Variants in HDLBP observed in about 807,000 individuals in gnomAD.
HDLBP encodes high density lipoprotein binding protein, also known as vigilin.
Under a neutral mutation model 137.3 loss-of-function variants are expected in HDLBP, and 30 were observed. That is an observed-to-expected ratio of 0.22 (90% CI 0.16 to 0.30). HDLBP has a LOEUF of 0.30. HDLBP is among the 10% of genes least tolerant of loss of function. HDLBP has a pLI of 1.00. For synonymous variants in HDLBP, 606 were observed against 596.0 expected (o/e 1.02, Z -0.24); for missense variants, 1,119 against 1,667.3 (o/e 0.67, Z 5.73).
At chr2:241,273,658 C>T (rs764685032) in intron 1 of HDLBP, 2 of 985,328 alleles carry the variant, frequency 2.0e-6, no homozygotes, top group Non-Finnish European at 2.4e-6. Context: ...CAACAGAATC[C>T]TGCATAGGGC....
chr2:241,249,400 C>T (rs546109608), intron 12 of HDLBP: 7 of 473,566 alleles, frequency 1.5e-5, no homozygotes, highest in Admixed American at 4.7e-5. Flanking sequence ...ATGTATGAAA[C>T]GTCGGGGAGC....
intron 1 of HDLBP, among the ~76,000 whole-genome samples, chr2:241,276,986 TAA>T (rs757786857): frequency 4.0e-4 from 52 of 129,718 alleles, no homozygotes; most frequent in Admixed American, 4.6e-4. Context: ...GGCCAGGAGC[TAA>T]AAAAAAAAAA....
Position 241,239,548 on chromosome 2 carries a change from C to T in HDLBP, c.2610+54G>A, listed in dbSNP as rs1415459289. The T allele has an allele frequency of 6.2e-6, 9 of 1,449,784 alleles. No homozygotes were observed. Among genetic ancestry groups the T allele is most frequent in the Middle Eastern group, 1.7e-4 (1 of 5,754 alleles). 89.8% of individuals were successfully genotyped at this position (1,449,784 alleles called of 1,614,324 possible). ...TGGAGCGAACACTCATACACGGCTTCGGTGAGTGGCCACTGGGGGGTGAGA... is the reference window on the plus strand; with the variant it reads ...TGGAGCGAACACTCATACACGGCTTTGGTGAGTGGCCACTGGGGGGTGAGA... On this transcript the variant is annotated intron_variant, in intron 19 of 27. Coordinates refer to ENST00000310931, the MANE Select transcript of HDLBP (RefSeq NM_005336.6). This position sits in a 1 kb window ranked among gnomAD's most constrained non-coding sequence, Gnocchi z 4.6.
intron 1 of HDLBP, among the ~76,000 whole-genome samples, chr2:241,300,856 A>G (rs2075369936): frequency 6.6e-6 from 1 of 152,212 alleles, no homozygotes; most frequent in Non-Finnish European, 1.5e-5. Flanking sequence ...CTGGCCAGGC[A>G]GCTCCAAGCA....
At chr2:241,297,781 G>A (rs1398614990) in intron 1 of HDLBP, among the ~76,000 whole-genome samples, 3 of 152,130 alleles carry the variant, frequency 2.0e-5, no homozygotes, top group Non-Finnish European at 4.4e-5. Flanking sequence ...GGACATATCA[G>A]AAGGACACAG....
chr2:241,267,340 T>C (rs113281807), intron 2 of HDLBP, among the ~76,000 whole-genome samples: 1 of 152,296 alleles, frequency 6.6e-6, no homozygotes, highest in African/African-American at 2.4e-5. Flanking sequence ...AACAGCTGGT[T>C]AACTGTCCCC....
At chr2:241,267,792 C>T (rs1223712597) in intron 2 of HDLBP, 2 of 1,489,526 alleles carry the variant, frequency 1.3e-6, no homozygotes, top group East Asian at 5.0e-5. Flanking sequence ...TTGATCCACA[C>T]TGACTGGTTA....
Position 241,272,071 on chromosome 2 carries a change from A to C in HDLBP, c.-102-3530T>G. 3 of 479,546 alleles carry C rather than the reference A, an allele frequency of 6.3e-6. No individual in the cohort carries two copies. Among genetic ancestry groups the C allele is most frequent in the Non-Finnish European group, 8.2e-6 (3 of 367,490 alleles). 29.7% of individuals were successfully genotyped at this position (479,546 alleles called of 1,614,324 possible). A position where few individuals can be genotyped will look rare whatever the true frequency, so the allele number is the denominator to read the frequency against. On this transcript the variant is annotated intron_variant, in intron 1 of 27. Coordinates refer to ENST00000310931, the MANE Select transcript of HDLBP (RefSeq NM_005336.6). The surrounding 1 kb of genome is among the most constrained non-coding windows in gnomAD (Gnocchi z 5.6). ...TCCCCGCCTTTCATCCAAATTCGGT[A>C]CTTTTCCGTAATGTATTTTTCATCC...
chr2:241,301,541 G>A (rs2075396211), intron 1 of HDLBP, among the ~76,000 whole-genome samples: 1 of 151,996 alleles, frequency 6.6e-6, no homozygotes, highest in African/African-American at 2.4e-5. Flanking sequence ...CAAATACTGG[G>A]GTGAATACTA....
rs76620002 is a variant in HDLBP at position 241,239,445 on chromosome 2, G to A, written c.2610+157C>T. 2.0e-5 allele frequency among the ~76,000 whole-genome samples: 3 copies of A among 152,162 alleles called. No homozygotes were observed. Among genetic ancestry groups the A allele is most frequent in the Non-Finnish European group, 4.4e-5 (3 of 68,002 alleles). ...TATCAGGAAGGAGGCCAGACAGGCT[G>A]AGGAAAGAAGAGCGAGCACCAGAAA... On this transcript the variant is annotated intron_variant, in intron 19 of 27. Transcript: ENST00000310931. This position sits in a 1 kb window ranked among gnomAD's most constrained non-coding sequence, Gnocchi z 4.6.
chr2:241,273,913 C>T (rs1339864689), intron 1 of HDLBP, among the ~76,000 whole-genome samples: 1 of 150,680 alleles, frequency 6.6e-6, no homozygotes, highest in Non-Finnish European at 1.5e-5. Context: ...GCAGGGGAGG[C>T]CTACTATAGT....
At chr2:241,259,590 A>G (rs536763783) in intron 5 of HDLBP, among the ~76,000 whole-genome samples, 2 of 152,260 alleles carry the variant, frequency 1.3e-5, no homozygotes, top group Admixed American at 1.3e-4. Context: ...CCAGGCTCAA[A>G]CAATCCTTTC....
chr2:241,247,065 G>A lies in HDLBP; in HGVS notation c.1809C>T (p.Asn603=). 1 of 1,610,990 alleles carries A rather than the reference G, an allele frequency of 6.2e-7. No individual in the cohort carries two copies. The highest frequency in any genetic ancestry group is 8.5e-7 in the Non-Finnish European group (1 of 1,177,114). ...HKNIIGKGGA[N]IKKIREESNT... ...GCGGACAAGTTATCACCTTTTTAAT[G>A]TTTGCGCCTCCTTTCCCAATGATAT... The change falls in exon 15 of 28, where the codon AAC becomes AAT. Residue 603 remains asparagine, a synonymous_variant. Coordinates refer to ENST00000310931, the MANE Select transcript of HDLBP (RefSeq NM_005336.6).
intron 7 of HDLBP, 147 bp from the exon 8 acceptor site, chr2:241,255,727 GC>G: frequency 1.5e-6 from 1 of 653,674 alleles, no homozygotes; most frequent in South Asian, 1.8e-5. Flanking sequence ...ATCAGGACTA[GC>G]CAATCCCCAG....
chr2:241,298,803 A>G (rs2075284098), intron 1 of HDLBP, among the ~76,000 whole-genome samples: 1 of 152,210 alleles, frequency 6.6e-6, no homozygotes. Context: ...AGATCTAATC[A>G]AAAGGAAACA....
rs1431769496 is a variant in HDLBP, at chr2:241,272,641, C to T, written c.-102-4100G>A. 5.5e-5 allele frequency: 53 copies of T among 959,946 alleles called. No individual in the cohort carries two copies. The East Asian group carries it at 5.7e-3, about 104-fold the overall frequency. The allele number at this position is 959,946 out of a possible 1,614,324, so 59.5% of individuals were successfully genotyped here. On this transcript the variant is annotated intron_variant, in intron 1 of 27. Transcript: ENST00000310931. The surrounding 1 kb of genome is among the most constrained non-coding windows in gnomAD (Gnocchi z 5.6). Reference sequence around the variant, plus strand: ...GGGCCCGGGTGGGGGCCGCGGCACCCGGGCCCCTCCCCCTCCGCGGCCTCC... The same window carrying T: ...GGGCCCGGGTGGGGGCCGCGGCACCTGGGCCCCTCCCCCTCCGCGGCCTCC...
At chr2:241,276,986 T>TAAA (rs757786857) in intron 1 of HDLBP, among the ~76,000 whole-genome samples, 3 of 129,870 alleles carry the variant, frequency 2.3e-5, no homozygotes, top group African/African-American at 8.5e-5. Flanking sequence ...GGCCAGGAGC[T>TAAA]AAAAAAAAAA....
chr2:241,312,032 T>C (rs1328959778), intron 1 of HDLBP, among the ~76,000 whole-genome samples: 1 of 152,194 alleles, frequency 6.6e-6, no homozygotes, highest in Admixed American at 6.5e-5. Context: ...AAGGCTGAAG[T>C]AGATACTCTG....
rs1227598057 is a variant in HDLBP, at chr2:241,229,875, A to G, written c.3678T>C (p.Phe1226=). 3 of 1,542,982 alleles carry G rather than the reference A, an allele frequency of 1.9e-6. No individual in the cohort carries two copies. Among genetic ancestry groups the G allele is most frequent in the Non-Finnish European group, 2.6e-6 (3 of 1,139,550 alleles). The change falls in exon 27 of 28, where the codon TTT becomes TTC. Residue 1226 remains phenylalanine (F), a synonymous_variant. Coordinates refer to ENST00000310931, the MANE Select transcript of HDLBP (RefSeq NM_005336.6). ...HEEAKAPSRG[F]VVRDAPWTAS... ...CGGTCCAGGGTGCGTCCCGCACCAC[A>G]AAGCCTCTGGAAGGTGCCTTGGCCT...
Sources: allele counts gnomAD v4.1 joint callset (sites outside exome capture counted in the v4.1 genomes callset), GRCh38; gene constraint gnomAD v4.1.1; non-coding constraint Gnocchi (gnomAD v3.1); transcripts MANE v1.5; gene names NCBI Gene and HGNC (gene_info 2026-07-23, HGNC 2026-07-21).